Variants in ERI1 observed in about 807,000 individuals in gnomAD.
ERI1 encodes the protein exoribonuclease 1, also known as 3'-5' exoribonuclease 1.
Under a neutral mutation model 39.7 loss-of-function variants are expected in ERI1, and 39 were observed. The observed-to-expected ratio is 0.98, with a 90% CI of 0.76 to 1.28. The LOEUF (loss-of-function observed/expected upper bound fraction) is 1.28. ERI1 is among the 50% of genes most tolerant of loss of function. The pLI, the probability that ERI1 is intolerant of heterozygous loss-of-function variation, is 0.00. For synonymous variants in ERI1, 204 were observed against 149.6 expected, an observed-to-expected ratio of 1.36 and a Z score of -2.65; for missense variants, 581 against 416.9, an observed-to-expected ratio of 1.39 and a Z score of -3.43.
intron 3 of ERI1, among the ~76,000 whole-genome samples, chr8:9,051,473 A>G (rs1798352972): frequency 6.6e-6 from 1 of 152,138 alleles, no homozygotes; most frequent in Non-Finnish European, 1.5e-5. Context: ...CCTGGCCAAC[A>G]TGGTGAAAGC....
At chr8:9,004,139 C>A (rs779390683) in intron 1 of ERI1, 2 of 1,289,156 alleles carry the variant, frequency 1.6e-6, no homozygotes, top group Admixed American at 2.3e-5. Context: ...TCTGTATGTT[C>A]CTTTTGCCCT....
intron 3 of ERI1, among the ~76,000 whole-genome samples, chr8:9,085,041 A>T (rs1385413885): frequency 1.3e-5 from 2 of 152,168 alleles, no homozygotes; most frequent in Non-Finnish European, 2.9e-5. Flanking sequence ...ATAAATTCAG[A>T]TTCTTGGACC....
chr8:9,020,579 T>C, intron 6 of ERI1, 115 bp downstream of exon 6: 2 of 626,652 alleles, frequency 3.2e-6, no homozygotes, highest in Non-Finnish European at 2.7e-6. Flanking sequence ...GCCATATAAT[T>C]AGTTCTTACT....
At chr8:9,069,765 A>G (rs141035142) in intron 3 of ERI1, among the ~76,000 whole-genome samples, 12 of 152,330 alleles carry the variant, frequency 7.9e-5, no homozygotes, top group Non-Finnish European at 2.9e-5. Flanking sequence ...TAAAAAAAGT[A>G]AAGTATTACT....
At chr8:9,024,789 A>G (rs1280575134) in intron 6 of ERI1, among the ~76,000 whole-genome samples, 2 of 152,152 alleles carry the variant, frequency 1.3e-5, no homozygotes, top group East Asian at 1.9e-4. Flanking sequence ...AAAGGAAAGG[A>G]TGAAATACAC....
At chr8:9,097,927 A>T (rs959818026) in intron 3 of ERI1, among the ~76,000 whole-genome samples, 7 of 152,206 alleles carry the variant, frequency 4.6e-5, no homozygotes, top group Admixed American at 3.3e-4. Flanking sequence ...ACACCATGGA[A>T]TACTACTCAG....
chr8:9,059,056 T>C (rs898933622), intron 3 of ERI1, among the ~76,000 whole-genome samples: 21 of 151,148 alleles, frequency 1.4e-4, no homozygotes, highest in Non-Finnish European at 2.5e-4. Flanking sequence ...AGGATTTGGG[T>C]AGGTAAAGGA....
intron 3 of ERI1, among the ~76,000 whole-genome samples, chr8:9,087,583 T>C (rs1319448195): frequency 6.6e-6 from 1 of 152,158 alleles, no homozygotes; most frequent in South Asian, 2.1e-4. Context: ...TTTTATTTTT[T>C]ATTTTTATAC....
intron 3 of ERI1, among the ~76,000 whole-genome samples, chr8:9,043,638 T>C (rs527291984): frequency 1.1e-4 from 16 of 152,304 alleles, no homozygotes; most frequent in African/African-American, 3.8e-4. Context: ...CCATGAGAGG[T>C]TGGGCAATTT....
At chr8:9,045,142 A>C (rs1454660032) in intron 3 of ERI1, among the ~76,000 whole-genome samples, 1 of 150,396 alleles carries the variant, frequency 6.6e-6, no homozygotes, top group Non-Finnish European at 1.5e-5. Context: ...AGGCTGAGGC[A>C]GGAGAATGGC....
chr8:9,084,616 G>A (rs975394814), intron 3 of ERI1, among the ~76,000 whole-genome samples: 1 of 152,194 alleles, frequency 6.6e-6, no homozygotes, highest in South Asian at 2.1e-4. Context: ...GGAAGCGGGA[G>A]GGGTTGGGTG....
intron 4 of ERI1, among the ~76,000 whole-genome samples, chr8:9,018,083 T>A (rs2953808): frequency 1.3e-5 from 2 of 152,092 alleles, no homozygotes; most frequent in South Asian, 4.2e-4. Flanking sequence ...AGGATTATAC[T>A]TTTCAGTTGA....
chr8:9,032,661 G>A lies in ERI1; in HGVS notation c.*2627G>A, dbSNP rs1797670136. The A allele has an allele frequency of 6.6e-6, 1 of 152,186 alleles. No individual in the cohort carries two copies. The highest frequency in any genetic ancestry group is 2.4e-5 in the African/African-American group (1 of 41,442). The allele number at this position is 152,186 out of a possible 1,614,324, so 9.4% of individuals were successfully genotyped here. On this transcript the variant is annotated 3_prime_UTR_variant, in exon 7 of 7. Coordinates refer to ENST00000250263, the MANE Select transcript of ERI1 (RefSeq NM_153332.4). ...TAATTAAAATGGTAATTTTTAAAAA[G>A]ATGTGACCAGTTGACTTTTAGTATA...
intron 3 of ERI1, among the ~76,000 whole-genome samples, chr8:9,080,442 C>T (rs934045769): frequency 1.3e-5 from 2 of 152,166 alleles, no homozygotes; most frequent in Non-Finnish European, 2.9e-5. Flanking sequence ...CAGTAAGAAC[C>T]AGTTAGCAGA....
chr8:9,025,252 T>C (rs1241214531), intron 6 of ERI1, among the ~76,000 whole-genome samples: 1 of 152,206 alleles, frequency 6.6e-6, no homozygotes, highest in Non-Finnish European at 1.5e-5. Context: ...TTCCAATAGC[T>C]TTCCTCACTT....
At position 9,016,385 on chromosome 8, in the gene ERI1, A is replaced by G. The variant is rs1312417440; in HGVS notation, c.562A>G (p.Ser188Gly). 4 of 1,605,566 alleles carry G rather than the reference A, an allele frequency of 2.5e-6. No individual in the cohort carries two copies. The South Asian group carries it at 3.3e-5, about 13-fold the overall frequency. ...CACACAGCTGTCTGATTTCTGCATCAGTCTAACTGGAATTACTCAGGTTAT... is the reference window on the plus strand; with the variant it reads ...CACACAGCTGTCTGATTTCTGCATCGGTCTAACTGGAATTACTCAGGTTAT... Reference protein sequence around the residue: ...INTQLSDFCISLTGITQDQVD... With the variant: ...INTQLSDFCIGLTGITQDQVD... The change falls in exon 4 of 7, where the codon AGT (serine) becomes GGT (glycine). Residue 188 changes from serine to glycine, a missense_variant. Transcript: ENST00000250263.
At chr8:9,066,584 G>A (rs1585277938) in intron 3 of ERI1, among the ~76,000 whole-genome samples, 1 of 152,300 alleles carries the variant, frequency 6.6e-6, no homozygotes, top group South Asian at 2.1e-4. Flanking sequence ...GGAATCAGAT[G>A]CATGATTTTG....
In ERI1 at chr8:9,011,691, A is replaced by G; in HGVS notation, c.437A>G (p.Glu146Gly). Residue 146 changes from glutamate to glycine, a missense_variant, in exon 3 of 7, where the codon GAG becomes GGG. Glu to Gly is a moderately conservative substitution (Grantham distance 98). Coordinates refer to ENST00000250263, the MANE Select transcript of ERI1 (RefSeq NM_153332.4). ...ACTTGTGAAGAAGGAAACCCACCTG[A>G]GTTTGTACATGAAATAATTGAATTT... Reference protein sequence around the residue: ...EATCEEGNPPEFVHEIIEFPV... With the variant: ...EATCEEGNPPGFVHEIIEFPV... The G allele has an allele frequency of 6.2e-7, 1 of 1,613,074 alleles. No homozygotes were observed. Among genetic ancestry groups the G allele is most frequent in the Non-Finnish European group, 8.5e-7 (1 of 1,179,320 alleles).
At chr8:9,026,893 A>G (rs1350690995) in intron 6 of ERI1, among the ~76,000 whole-genome samples, 4 of 152,262 alleles carry the variant, frequency 2.6e-5, no homozygotes, top group Admixed American at 2.0e-4. Flanking sequence ...TTTGATGGAC[A>G]TTTAAGTTAC....
Sources: gnomAD v4.1 joint callset for allele counts (sites outside exome capture counted in the v4.1 genomes callset) on GRCh38, gnomAD v4.1.1 for gene constraint, MANE v1.5 for transcripts, NCBI Gene and HGNC (gene_info 2026-07-23, HGNC 2026-07-21) for gene names.